The following DLG1 variants were observed in gnomAD, a reference collection of about 807,000 sequenced individuals.
The protein encoded by DLG1 is discs large MAGUK scaffold protein 1, also known as disks large homolog 1.
DLG1 carries 42 observed loss-of-function variants against 123.4 expected under a neutral mutation model. The ratio of observed to expected loss-of-function variants is 0.34; its 90% CI spans 0.27 to 0.44. DLG1 has a LOEUF of 0.44. Among genes scored for constraint, DLG1 ranks in the 20% least tolerant of loss-of-function variants. DLG1 has a pLI of 1.00. For synonymous variants in DLG1, 317 were observed against 356.2 expected (o/e 0.89, Z 1.24); for missense variants, 942 against 1,082.6 (o/e 0.87, Z 1.82).
intron 4 of DLG1, among the ~76,000 whole-genome samples, chr3:197,258,715 G>C (rs921432279): frequency 3.9e-5 from 6 of 152,164 alleles, no homozygotes; most frequent in African/African-American, 1.2e-4. Flanking sequence ...ACAAGGGATG[G>C]GGTACACACC....
intron 13 of DLG1, among the ~76,000 whole-genome samples, chr3:197,107,118 G>A (rs948355746): frequency 2.0e-4 from 31 of 152,086 alleles, no homozygotes; most frequent in African/African-American, 6.3e-4. Flanking sequence ...TCAAATAAAC[G>A]GGATATATAA....
intron 4 of DLG1, among the ~76,000 whole-genome samples, chr3:197,282,049 T>C (rs191644844): frequency 4.0e-4 from 61 of 152,370 alleles, no homozygotes; most frequent in Admixed American, 5.9e-4. Context: ...AAATGACTAA[T>C]GCTTCTTAGG....
chr3:197,073,484 C>A (rs1182344669), intron 18 of DLG1, among the ~76,000 whole-genome samples: 1 of 152,152 alleles, frequency 6.6e-6, no homozygotes, highest in African/African-American at 2.4e-5. Context: ...AAATTACCTC[C>A]CTTAAAGCAT....
At chr3:197,157,385 C>G (rs1043588010) in intron 5 of DLG1, among the ~76,000 whole-genome samples, 10 of 152,068 alleles carry the variant, frequency 6.6e-5, no homozygotes, top group Admixed American at 5.2e-4. Context: ...TAACACTGAA[C>G]AATCTAAAAT....
intron 4 of DLG1, among the ~76,000 whole-genome samples, chr3:197,224,336 T>G (rs1738677367): frequency 6.6e-6 from 1 of 152,160 alleles, no homozygotes. Flanking sequence ...AATAGTATTT[T>G]GAAACATCTT....
intron 5 of DLG1, among the ~76,000 whole-genome samples, chr3:197,176,233 C>T (rs1807005852): frequency 6.6e-6 from 1 of 151,900 alleles, no homozygotes; most frequent in South Asian, 2.1e-4. Context: ...CCCATATGCC[C>T]CCTGCTCACA....
chr3:197,057,496 G>GCATGTT (rs1232121521), intron 23 of DLG1, among the ~76,000 whole-genome samples: 3 of 152,196 alleles, frequency 2.0e-5, no homozygotes, highest in Non-Finnish European at 2.9e-5. Flanking sequence ...CATAACTCGT[G>GCATGTT]CATGTTCAGC....
intron 4 of DLG1, among the ~76,000 whole-genome samples, chr3:197,259,179 A>T (rs1010976901): frequency 1.3e-5 from 2 of 152,106 alleles, no homozygotes; most frequent in African/African-American, 2.4e-5. Flanking sequence ...AGAGGGAAAA[A>T]GCAACAACGA....
intron 4 of DLG1, among the ~76,000 whole-genome samples, chr3:197,269,720 G>A (rs1042144120): frequency 3.3e-5 from 5 of 152,102 alleles, no homozygotes; most frequent in Admixed American, 2.0e-4. Flanking sequence ...GGCTCACCTC[G>A]TGTATGTTAG....
intron 20 of DLG1, 26 bp from the exon 21 acceptor site, chr3:197,065,835 A>G: frequency 1.5e-6 from 2 of 1,304,096 alleles, no homozygotes; most frequent in Non-Finnish European, 2.2e-6. Context: ...GCATGTTAAA[A>G]GGAATAAACA....
chr3:197,111,255 G>C (rs1769843314), intron 13 of DLG1, among the ~76,000 whole-genome samples: 1 of 152,112 alleles, frequency 6.6e-6, no homozygotes, highest in Admixed American at 6.5e-5. Context: ...TCCAGACATG[G>C]GGCATTCAGT....
chr3:197,153,267 A>C (rs1275769463), intron 5 of DLG1, among the ~76,000 whole-genome samples: 1 of 152,210 alleles, frequency 6.6e-6, no homozygotes, highest in East Asian at 1.9e-4. Flanking sequence ...GTAGAGTAGG[A>C]AGCACCACAA....
At chr3:197,051,446 G>T in intron 24 of DLG1, 131 bp downstream of exon 24, 2 of 663,294 alleles carry the variant, frequency 3.0e-6, no homozygotes, top group Non-Finnish European at 2.6e-6. Context: ...CAGCACCACT[G>T]CCTAGGCTGG....
intron 13 of DLG1, among the ~76,000 whole-genome samples, chr3:197,109,226 C>A (rs1174531467): frequency 6.6e-6 from 1 of 152,124 alleles, no homozygotes; most frequent in Non-Finnish European, 1.5e-5. Context: ...AACAATTCAG[C>A]CAGGTGTAGT....
chr3:197,275,255 A>G (rs181254793), intron 4 of DLG1, among the ~76,000 whole-genome samples: 4 of 152,352 alleles, frequency 2.6e-5, no homozygotes, highest in Admixed American at 6.5e-5. Context: ...AAGACCATAA[A>G]TAACAGATTC....
At chr3:197,106,041 A>G (rs934156118) in intron 13 of DLG1, among the ~76,000 whole-genome samples, 1 of 152,358 alleles carries the variant, frequency 6.6e-6, no homozygotes, top group South Asian at 2.1e-4. Flanking sequence ...CATAAAGAAC[A>G]TTTTAACCAT....
chr3:197,176,236 T>G (rs925142513), intron 5 of DLG1, among the ~76,000 whole-genome samples: 1 of 152,138 alleles, frequency 6.6e-6, no homozygotes, highest in Admixed American at 6.5e-5. Context: ...ATATGCCCCC[T>G]GCTCACACAC....
intron 4 of DLG1, among the ~76,000 whole-genome samples, chr3:197,268,417 C>T (rs1274933533): frequency 6.6e-6 from 1 of 151,910 alleles, no homozygotes; most frequent in Non-Finnish European, 1.5e-5. Context: ...TTCCACTTCT[C>T]TTATAACATT....
chr3:197,216,954 C>T (rs577837399), intron 4 of DLG1, among the ~76,000 whole-genome samples: 7 of 152,216 alleles, frequency 4.6e-5, no homozygotes, highest in South Asian at 4.2e-4. Flanking sequence ...ATGACAATGG[C>T]GAATTTAATT....
Sources: allele counts gnomAD v4.1 joint callset (sites outside exome capture counted in the v4.1 genomes callset), GRCh38; gene constraint gnomAD v4.1.1; transcripts MANE v1.5; gene names NCBI Gene and HGNC (gene_info 2026-07-23, HGNC 2026-07-21).